The following PRSS38 variants were observed in gnomAD, a reference collection of about 807,000 sequenced individuals.
The protein encoded by PRSS38 is marapsin 2.
PRSS38 carries 22 observed loss-of-function variants against 26.8 expected under a neutral mutation model. The ratio of observed to expected loss-of-function variants is 0.82; its 90% CI spans 0.59 to 1.17. PRSS38 has a LOEUF of 1.17. PRSS38 is among the 50% of genes most tolerant of loss of function. PRSS38 has a pLI of 0.00. For missense variants in PRSS38, 427 were observed against 422.7 expected, an observed-to-expected ratio of 1.01 and a Z score of -0.09; for synonymous variants, 175 against 172.1, an observed-to-expected ratio of 1.02 and a Z score of -0.13.
At chr1:227,846,132 C>T (rs757799317) in exon 5 of PRSS38, 2 of 1,614,048 alleles carry the variant, frequency 1.2e-6, no homozygotes, top group South Asian at 1.1e-5. Flanking sequence ...GCTCAGCCAG[C>T]CCCTGCTCTC....
chr1:227,844,221 T>C (rs1665380826), intron 3 of PRSS38, among the ~76,000 whole-genome samples: 1 of 152,184 alleles, frequency 6.6e-6, no homozygotes, highest in African/African-American at 2.4e-5. Context: ...TCCTTCAATA[T>C]GTGGTGGGGA....
At chr1:227,843,831 C>A (rs148833199) in intron 3 of PRSS38, among the ~76,000 whole-genome samples, 2,686 of 152,044 alleles carry the variant, frequency 0.018, 83 homozygotes, top group African/African-American at 0.062. Flanking sequence ...ACCAGCCTGG[C>A]CAACAAGGTG....
chr1:227,826,931 A>T (rs1237723106), intron 3 of PRSS38, among the ~76,000 whole-genome samples: 2 of 152,190 alleles, frequency 1.3e-5, no homozygotes, highest in African/African-American at 4.8e-5. Context: ...ATTTATTGAG[A>T]TAATCATATG....
chr1:227,843,327 A>G (rs915683508), intron 3 of PRSS38, among the ~76,000 whole-genome samples: 2 of 152,156 alleles, frequency 1.3e-5, no homozygotes, highest in African/African-American at 4.8e-5. Flanking sequence ...ACAACAACAC[A>G]TATTTCCTCT....
intron 3 of PRSS38, among the ~76,000 whole-genome samples, chr1:227,824,040 A>G (rs1197053459): frequency 2.6e-5 from 4 of 152,130 alleles, no homozygotes; most frequent in Admixed American, 1.3e-4. Context: ...ATAGTTTTCA[A>G]TAGAGGTTGT....
chr1:227,837,963 C>T (rs1249127773), intron 3 of PRSS38, among the ~76,000 whole-genome samples: 1 of 151,774 alleles, frequency 6.6e-6, no homozygotes. Flanking sequence ...GCTCTATTTC[C>T]CAGGCTGGTT....
intron 3 of PRSS38, among the ~76,000 whole-genome samples, chr1:227,836,851 CAT>C (rs2102682905): frequency 6.6e-6 from 1 of 152,220 alleles, no homozygotes; most frequent in Non-Finnish European, 1.5e-5. Flanking sequence ...ATTATGTTAA[CAT>C]ATTCTTTTTT....
intron 3 of PRSS38, among the ~76,000 whole-genome samples, chr1:227,836,741 T>A (rs1300679400): frequency 6.6e-6 from 1 of 152,200 alleles, no homozygotes; most frequent in Non-Finnish European, 1.5e-5. Flanking sequence ...CATTGGAAAC[T>A]CTCATCTTTC....
chr1:227,834,258 G>A (rs970160238), intron 3 of PRSS38, among the ~76,000 whole-genome samples: 1 of 152,168 alleles, frequency 6.6e-6, no homozygotes, highest in Non-Finnish European at 1.5e-5. Context: ...GTTTGAAACT[G>A]CCCAGTTTGG....
Position 227,816,367 on chromosome 1 carries a change from C to T in PRSS38, c.311+115C>T, listed in dbSNP as rs1286222915. ...CCATCACCATTGTCGACTCCCTTCACCACTGTCGACCCGCGCAAGGCCAGG... is the reference window on the plus strand; with the variant it reads ...CCATCACCATTGTCGACTCCCTTCATCACTGTCGACCCGCGCAAGGCCAGG... On this transcript the variant is annotated intron_variant, in intron 2 of 4. Transcript: ENST00000366757. This position sits in a 1 kb window ranked among gnomAD's most constrained non-coding sequence, Gnocchi z 5.1. 17 of 1,121,302 alleles carry T rather than the reference C, an allele frequency of 1.5e-5. No individual in the cohort carries two copies. The highest frequency in any genetic ancestry group is 2.0e-5 in the Non-Finnish European group (16 of 787,258). 69.5% of individuals were successfully genotyped at this position (1,121,302 alleles called of 1,614,324 possible). A position where few individuals can be genotyped will look rare whatever the true frequency, so the allele number is the denominator to read the frequency against.
At chr1:227,842,789 G>T (rs935421344) in intron 3 of PRSS38, among the ~76,000 whole-genome samples, 11 of 151,992 alleles carry the variant, frequency 7.2e-5, no homozygotes, top group Non-Finnish European at 1.2e-4. Context: ...GTTGGTCAGG[G>T]TGGTCTCGAA....
chr1:227,821,593 C>T (rs755149463), intron 3 of PRSS38, among the ~76,000 whole-genome samples: 5 of 152,020 alleles, frequency 3.3e-5, no homozygotes, highest in Admixed American at 6.6e-5. Context: ...TTCTGAAGGA[C>T]GATGTTGTCA....
rs1214183326 is a variant in PRSS38 at position 227,817,203 on chromosome 1, C to T, written c.312-6C>T. 1.9e-6 allele frequency: 3 copies of T among 1,611,364 alleles called. No homozygotes were observed. Among genetic ancestry groups the T allele is most frequent in the Non-Finnish European group, 2.5e-6 (3 of 1,178,086 alleles). ...GGGCATTGTACCTCTGTTCTCACCC[C>T]CACAGGGACAAGAATATCAAAATCT... On this transcript the variant is annotated splice_region_variant and splice_polypyrimidine_tract_variant and intron_variant, in intron 2 of 4. Coordinates refer to ENST00000366757, the Ensembl canonical transcript of PRSS38.
intron 3 of PRSS38, among the ~76,000 whole-genome samples, chr1:227,818,692 A>AC (rs1664958428): frequency 6.6e-6 from 1 of 151,814 alleles, no homozygotes; most frequent in South Asian, 2.1e-4. Flanking sequence ...AAAAAAAAAA[A>AC]AAAAAAACGT....
intron 3 of PRSS38, among the ~76,000 whole-genome samples, chr1:227,832,715 A>C (rs1665173736): frequency 6.6e-6 from 1 of 152,208 alleles, no homozygotes; most frequent in Admixed American, 6.5e-5. Context: ...CAGAAGTAAA[A>C]CTATCTCTAC....
chr1:227,845,330 T>C, intron 3 of PRSS38, 140 bp from the exon 4 acceptor site: 1 of 622,654 alleles, frequency 1.6e-6, no homozygotes, highest in Non-Finnish European at 2.8e-6. Flanking sequence ...GACTCATCCC[T>C]ATGTGTCATC....
intron 3 of PRSS38, among the ~76,000 whole-genome samples, chr1:227,822,592 C>T (rs1404222257): frequency 6.6e-6 from 1 of 152,170 alleles, no homozygotes; most frequent in Non-Finnish European, 1.5e-5. Context: ...AACTATTTTG[C>T]AAAGACTGTA....
chr1:227,817,369 AC>A lies in PRSS38; in HGVS notation c.475del (p.Arg159AlafsTer18). On this transcript the variant is annotated frameshift_variant, in exon 3 of 5. Transcript: ENST00000366757. LOFTEE classifies it high-confidence loss of function. ...TGACGTGGCCCTGGTGCAGCTGAAG[AC>A]CCGCATTGTGTTTTCTGAGTCCGTG... The A allele has an allele frequency of 1.2e-6, 2 of 1,614,016 alleles. No individual in the cohort carries two copies. Among genetic ancestry groups the A allele is most frequent in the Non-Finnish European group, 1.7e-6 (2 of 1,180,014 alleles).
Position 227,836,652 on chromosome 1 carries a change from A to G in PRSS38, c.584-8818A>G, listed in dbSNP as rs1246991016. Reference sequence around the variant, plus strand: ...CAGTGAGCCGAGATCCCGCCACTGCACTCCAGCCTGGGCGACAGAGCGAGA... The same window carrying G: ...CAGTGAGCCGAGATCCCGCCACTGCGCTCCAGCCTGGGCGACAGAGCGAGA... On this transcript the variant is annotated intron_variant, in intron 3 of 4. Coordinates refer to ENST00000366757, the Ensembl canonical transcript of PRSS38. 5.2e-4 allele frequency among the ~76,000 whole-genome samples: 2 copies of G among 3,878 alleles called. 1 individual carries two copies. The highest frequency in any genetic ancestry group is 1.7e-3 in the African/African-American group (2 of 1,192). The allele number at this position is 3,878 out of a possible 152,430, so 2.5% of individuals were successfully genotyped here.
Sources: allele counts gnomAD v4.1 joint callset (sites outside exome capture counted in the v4.1 genomes callset), GRCh38; gene constraint gnomAD v4.1.1; non-coding constraint Gnocchi (gnomAD v3.1); transcripts MANE v1.5; gene names NCBI Gene and HGNC (gene_info 2026-07-23, HGNC 2026-07-21).